The following CDH18 variants were observed in gnomAD, a reference collection of about 807,000 sequenced individuals.
CDH18 encodes the protein cadherin 18.
CDH18 carries 31 observed loss-of-function variants against 67.9 expected under a neutral mutation model. The ratio of observed to expected loss-of-function variants is 0.46; its 90% CI spans 0.34 to 0.62. The LOEUF is 0.62. CDH18 is among the 20% of genes least tolerant of loss of function. The probability of loss-of-function intolerance (pLI) is 0.01; values close to 1 mark genes in which losing one functional copy is unlikely to be tolerated. For synonymous variants in CDH18, 362 were observed against 347.2 expected (o/e 1.04, Z -0.48); for missense variants, 890 against 975.5 (o/e 0.91, Z 1.17).
intron 2 of CDH18, among the ~76,000 whole-genome samples, chr5:19,921,431 T>TA (rs561915760): frequency 0.012 from 1,884 of 151,044 alleles, 54 homozygotes; most frequent in African/African-American, 0.044. Flanking sequence ...CTCGGGAGGC[T>TA]GAGACAGGAG....
At position 19,700,390 on chromosome 5, in the gene CDH18, C is replaced by T. The variant is rs552293327; in HGVS notation, c.643+20957G>A. On this transcript the variant is annotated intron_variant, in intron 5 of 12. Transcript: ENST00000382275. ...CCACCATTGTATTATGGTGCATTGTCGACTGAAACATAGTTGTGTAGCGCA... is the reference window on the plus strand; with the variant it reads ...CCACCATTGTATTATGGTGCATTGTTGACTGAAACATAGTTGTGTAGCGCA... Among the ~76,000 whole-genome samples the T allele has an allele frequency of 3.0e-3, 455 of 152,194 alleles. 2 individuals carry two copies. Among genetic ancestry groups the T allele is most frequent in the African/African-American group, 0.01 (430 of 41,524 alleles).
chr5:20,325,695 C>G lies in CDH18; in HGVS notation c.-579-70190G>C, dbSNP rs75492055. 3.0e-3 allele frequency among the ~76,000 whole-genome samples: 455 copies of G among 151,856 alleles called. 3 individuals are homozygous for G. Among genetic ancestry groups the G allele is most frequent in the Non-Finnish European group, 4.5e-3 (309 of 67,962 alleles). On this transcript the variant is annotated intron_variant, in intron 1 of 14. Transcript: ENST00000507958. Reference sequence around the variant, plus strand: ...AAATAAAAACCACTTTCTGGGGAATCAACTCAATTTTCTAGCTGAGTATCA... The same window carrying G: ...AAATAAAAACCACTTTCTGGGGAATGAACTCAATTTTCTAGCTGAGTATCA...
At chr5:19,743,419 T>C (rs1769497822) in intron 4 of CDH18, among the ~76,000 whole-genome samples, 3 of 152,026 alleles carry the variant, frequency 2.0e-5, no homozygotes, top group African/African-American at 7.2e-5. Context: ...ACACTGTAAA[T>C]ATTTTGGGCA....
At chr5:19,744,785 A>T (rs1488680111) in intron 4 of CDH18, among the ~76,000 whole-genome samples, 1 of 152,188 alleles carries the variant, frequency 6.6e-6, no homozygotes, top group African/African-American at 2.4e-5. Flanking sequence ...CCTCTATTTC[A>T]TGTAATAAAT....
chr5:19,702,478 C>T lies in CDH18; in HGVS notation c.643+18869G>A, dbSNP rs560893438. Among the ~76,000 whole-genome samples, 3 of 151,542 alleles carry T rather than the reference C, an allele frequency of 2.0e-5. No homozygotes were observed. In the East Asian group the frequency reaches 6.1e-4, roughly 31 times the overall value. On this transcript the variant is annotated intron_variant, in intron 5 of 12. Transcript: ENST00000382275. Reference sequence around the variant, plus strand: ...CATTCTTTCTAACTAACAAAACGTCCCTTTCAGCCGGGCGTGGTGGCTCAC... The same window carrying T: ...CATTCTTTCTAACTAACAAAACGTCTCTTTCAGCCGGGCGTGGTGGCTCAC...
intron 7 of CDH18, among the ~76,000 whole-genome samples, chr5:19,581,787 G>A (rs1580326831): frequency 6.6e-6 from 1 of 152,030 alleles, no homozygotes; most frequent in East Asian, 1.9e-4. Context: ...TTCTGGAAAA[G>A]TATTTAACTT....
At chr5:20,567,009 C>T (rs1758552247) in intron 1 of CDH18, among the ~76,000 whole-genome samples, 1 of 152,138 alleles carries the variant, frequency 6.6e-6, no homozygotes, top group Admixed American at 6.5e-5. Flanking sequence ...TTCCCTGGAC[C>T]CAATGTTGGT....
At chr5:20,524,096 A>G (rs1266935254) in intron 1 of CDH18, among the ~76,000 whole-genome samples, 1 of 152,172 alleles carries the variant, frequency 6.6e-6, no homozygotes, top group Non-Finnish European at 1.5e-5. Flanking sequence ...ATGATTTAAG[A>G]CATTTGATTA....
intron 1 of CDH18, among the ~76,000 whole-genome samples, chr5:20,364,207 G>T (rs1422275794): frequency 1.3e-5 from 2 of 150,962 alleles, no homozygotes; most frequent in African/African-American, 4.9e-5. Flanking sequence ...AAAGTGGTAG[G>T]GAAGAAAAAA....
intron 4 of CDH18, among the ~76,000 whole-genome samples, chr5:19,743,844 C>A (rs1769571296): frequency 7.1e-6 from 1 of 141,368 alleles, no homozygotes; most frequent in Non-Finnish European, 1.5e-5. Flanking sequence ...TTGCTTGAAC[C>A]TGGGAGGCAG....
chr5:19,769,508 AT>A (rs1773491966), intron 3 of CDH18, among the ~76,000 whole-genome samples: 1 of 152,102 alleles, frequency 6.6e-6, no homozygotes, highest in African/African-American at 2.4e-5. Context: ...CTACTGAGAA[AT>A]TTTTTGCTAG....
chr5:20,308,902 A>G (rs867505534), intron 1 of CDH18, among the ~76,000 whole-genome samples: 2 of 152,214 alleles, frequency 1.3e-5, no homozygotes, highest in African/African-American at 4.8e-5. Context: ...TCAAAGAGTC[A>G]GTGATTACAG....
intron 12 of CDH18, chr5:19,478,684 C>T (rs1231324487): frequency 6.6e-6 from 1 of 152,172 alleles, no homozygotes; most frequent in Non-Finnish European, 1.5e-5. Context: ...GAAAGGGTAG[C>T]TGGAAGAGGT....
intron 1 of CDH18, among the ~76,000 whole-genome samples, chr5:20,406,349 C>A (rs10068208): frequency 0.07 from 10,656 of 151,750 alleles, 1,088 homozygotes; most frequent in African/African-American, 0.23. Context: ...AACCAAACAC[C>A]GCATGTTCTC....
chr5:20,486,048 G>T (rs1472613913), intron 1 of CDH18, among the ~76,000 whole-genome samples: 2 of 152,192 alleles, frequency 1.3e-5, no homozygotes. Context: ...ATTATGAAGG[G>T]TTAAAAGAGT....
chr5:20,527,009 C>A (rs1472001089), intron 1 of CDH18, among the ~76,000 whole-genome samples: 1 of 151,950 alleles, frequency 6.6e-6, no homozygotes, highest in Non-Finnish European at 1.5e-5. Context: ...AGCTAAGAAT[C>A]ATGATAAATG....
intron 1 of CDH18, among the ~76,000 whole-genome samples, chr5:20,365,384 G>A (rs898162226): frequency 6.6e-6 from 1 of 152,134 alleles, no homozygotes; most frequent in Non-Finnish European, 1.5e-5. Flanking sequence ...GACATTTGAG[G>A]TAGGGGACAC....
At chr5:20,514,029 G>A (rs1028192884) in intron 1 of CDH18, among the ~76,000 whole-genome samples, 6 of 152,042 alleles carry the variant, frequency 3.9e-5, no homozygotes, top group South Asian at 2.1e-4. Context: ...TTGCACTTTC[G>A]CAAATGTTAT....
At chr5:20,501,196 T>A (rs1234535291) in intron 1 of CDH18, among the ~76,000 whole-genome samples, 1 of 151,856 alleles carries the variant, frequency 6.6e-6, no homozygotes, top group African/African-American at 2.4e-5. Flanking sequence ...TTCAAGATCT[T>A]CCCTAGCTTT....
Sources: allele counts gnomAD v4.1 joint callset (sites outside exome capture counted in the v4.1 genomes callset), GRCh38; gene constraint gnomAD v4.1.1; transcripts MANE v1.5; gene names NCBI Gene and HGNC (gene_info 2026-07-23, HGNC 2026-07-21).